AJUBA: variants seen among roughly 807,000 people sequenced by gnomAD.
AJUBA encodes LIM domain-containing protein ajuba.
In AJUBA, 20 loss-of-function variants were observed where a neutral mutation model predicts 53.3. The observed-to-expected ratio is 0.38, with a 90% CI of 0.26 to 0.55. AJUBA has a LOEUF of 0.55. Ranked by LOEUF, AJUBA falls within the 20% of genes least tolerant of loss-of-function variation. The probability of loss-of-function intolerance (pLI) is 0.80; values close to 1 mark genes in which losing one functional copy is unlikely to be tolerated. For synonymous variants in AJUBA, 296 were observed against 306.2 expected (o/e 0.97, Z 0.35); for missense variants, 580 against 730.5 (o/e 0.79, Z 2.38).
chr14:22,977,265 C>A (rs767092083), intron 2 of AJUBA: 1 of 954,116 alleles, frequency 1.0e-6, no homozygotes. Context: ...CAAAGCAGGT[C>A]CCCTCTCCTG....
Position 22,982,230 on chromosome 14 carries a change from C to G in AJUBA, c.37G>C (p.Glu13Gln). The stretch of plus-strand genomic sequence containing the variant: ...TCACCCTTTCTGCGGCCGAACTTCT[C>G]CAGCAGGCGACTGGCTTTCTCTCCT... ...RLGEKASRLL[E>Q]KFGRRKGESS... Residue 13 changes from glutamate (E) to glutamine (Q), a missense_variant, in exon 1 of 8, where the codon GAG (glutamate) becomes CAG (glutamine). Around this residue, in one of 2 missense-constraint regions of AJUBA, gnomAD observed 430 missense variants for 471.5 expected, o/e 0.91. Coordinates refer to ENST00000262713, the MANE Select transcript of AJUBA (RefSeq NM_032876.6). 5 of 1,613,996 alleles carry G rather than the reference C, an allele frequency of 3.1e-6. No individual in the cohort carries two copies. The highest frequency in any genetic ancestry group is 4.2e-6 in the Non-Finnish European group (5 of 1,179,922).
chr14:22,976,519 CTAAAG>C lies in AJUBA; in HGVS notation c.1177-6_1177-2del. 6.2e-7 allele frequency: 1 copy of C among 1,614,132 alleles called. No homozygotes were observed. The highest frequency in any genetic ancestry group is 8.5e-7 in the Non-Finnish European group (1 of 1,180,022). On this transcript the variant is annotated splice_acceptor_variant and splice_polypyrimidine_tract_variant and intron_variant, in intron 3 of 7. Coordinates refer to ENST00000262713, the MANE Select transcript of AJUBA (RefSeq NM_032876.6). LOFTEE classifies it high-confidence loss of function. ...CAGCTGCCTCCTGAAACCCTGAAAA[CTAAAG>C]TAAAAGACAAGACGAACGGAGGCTG...
Position 22,975,056 on chromosome 14 carries a change from T to C in AJUBA, c.1288A>G (p.Ile430Val), listed in dbSNP as rs2045022001. 1.2e-6 allele frequency: 2 copies of C among 1,614,154 alleles called. No individual in the cohort carries two copies. Among genetic ancestry groups the C allele is most frequent in the African/African-American group, 1.3e-5 (1 of 75,060 alleles). The change falls in exon 5 of 8, where the codon ATT (isoleucine) becomes GTT (valine). Residue 430 changes from isoleucine to valine, a missense_variant. Physicochemically the swap from Ile to Val is conservative, Grantham distance 29. Transcript: ENST00000262713. ...CCATCCAGGCACTTGTTGCAAACAATGCATCGGAAACAGCCTGGATGATAG... is the reference window on the plus strand; with the variant it reads ...CCATCCAGGCACTTGTTGCAAACAACGCATCGGAAACAGCCTGGATGATAG... ...KSYHPGCFRC[I>V]VCNKCLDGIP...
chr14:22,975,647 T>C (rs2045027652), intron 4 of AJUBA: 1 of 152,096 alleles, frequency 6.6e-6, no homozygotes, highest in Non-Finnish European at 1.5e-5. Context: ...GATCACAAGG[T>C]CAGGAGATCG....
chr14:22,978,012 G>T (rs1014805707), intron 2 of AJUBA, among the ~76,000 whole-genome samples: 1 of 149,108 alleles, frequency 6.7e-6, no homozygotes, highest in African/African-American at 2.5e-5. Context: ...CAGGCAACTT[G>T]GCTGCCCAAG....
At chr14:22,980,932 T>C (rs1238223458) in intron 1 of AJUBA, among the ~76,000 whole-genome samples, 1 of 151,816 alleles carries the variant, frequency 6.6e-6, no homozygotes, top group Non-Finnish European at 1.5e-5. Flanking sequence ...GGGGAGCAAG[T>C]TGGGGGGGAT....
rs771530243 is a variant in AJUBA, at chr14:22,981,663, A to G, written c.604T>C (p.Ser202Pro). Residue 202 changes from serine (S) to proline (P), a missense_variant, in exon 1 of 8, where the codon TCC becomes CCC. This residue lies in a region of AJUBA where 430 missense variants were observed against 471.5 expected (regional missense o/e 0.91). Transcript: ENST00000262713. ...GCGGCGTGGAGCTCCGGGTAGGCGG[A>G]CGGGACCCCTCCGGGAGAATAGCCT... The part of the protein sequence containing the change: ...PAGYSPGGVP[S>P]AYPELHAALD... The G allele has an allele frequency of 2.2e-5, 34 of 1,513,034 alleles. No homozygotes were observed. In the East Asian group the frequency reaches 7.6e-4, roughly 34 times the overall value. 93.7% of individuals were successfully genotyped at this position (1,513,034 alleles called of 1,614,324 possible). A position where few individuals can be genotyped will look rare whatever the true frequency, so the allele number is the denominator to read the frequency against.
Position 22,981,389 on chromosome 14 carries a change from C to T in AJUBA, c.878G>A (p.Arg293Gln), listed in dbSNP as rs773411463. 1 of 1,612,908 alleles carries T rather than the reference C, an allele frequency of 6.2e-7. No homozygotes were observed. The highest frequency in any genetic ancestry group is 8.5e-7 in the Non-Finnish European group (1 of 1,179,872). ...LLRLTVGTGG[R>Q]EAGARGEPSG... Reference sequence around the variant, plus strand: ...GGGTTCTCCGCGGGCTCCGGCTTCTCGCCCACCGGTGCCCACCGTCAGGCG... The same window carrying T: ...GGGTTCTCCGCGGGCTCCGGCTTCTTGCCCACCGGTGCCCACCGTCAGGCG... Residue 293 changes from arginine (R) to glutamine (Q), a missense_variant, in exon 1 of 8, where the codon CGA becomes CAA. Physicochemically the swap from Arg to Gln is conservative, Grantham distance 43. Coordinates refer to ENST00000262713, the MANE Select transcript of AJUBA (RefSeq NM_032876.6).
At position 22,982,535 on chromosome 14, in the gene AJUBA, C is replaced by G. The variant is rs1246604497; in HGVS notation, c.-269G>C. ...CAGTCCGCAGGTCTATCTGTTCACG[C>G]GTCGACTCGCCCGACTGCCCCACTC... is the stretch of plus-strand genomic sequence containing the variant. On this transcript the variant is annotated 5_prime_UTR_variant, in exon 1 of 8. Coordinates refer to ENST00000262713, the MANE Select transcript of AJUBA (RefSeq NM_032876.6). 68 of 1,324,948 alleles carry G rather than the reference C, an allele frequency of 5.1e-5. No homozygotes were observed. The highest frequency in any genetic ancestry group is 6.4e-5 in the Non-Finnish European group (67 of 1,038,800). 82.1% of individuals were successfully genotyped at this position (1,324,948 alleles called of 1,614,324 possible).
At position 22,982,022 on chromosome 14, in the gene AJUBA, G is replaced by C. The variant is rs2045105130; in HGVS notation, c.245C>G (p.Ala82Gly). Residue 82 changes from alanine (A) to glycine (G), a missense_variant, in exon 1 of 8, where the codon GCG becomes GGG. Coordinates refer to ENST00000262713, the MANE Select transcript of AJUBA (RefSeq NM_032876.6). ...AERNQRGSFEAPRYEGSFPAG... is the reference protein window; with the variant it reads ...AERNQRGSFEGPRYEGSFPAG... ...GGGAAAAGAGCCTTCGTAGCGCGGCGCCTCAAAGGAGCCGCGCTGATTTCG... is the reference window on the plus strand; with the variant it reads ...GGGAAAAGAGCCTTCGTAGCGCGGCCCCTCAAAGGAGCCGCGCTGATTTCG... 1 of 1,586,958 alleles carries C rather than the reference G, an allele frequency of 6.3e-7. No individual in the cohort carries two copies. Among genetic ancestry groups the C allele is most frequent in the African/African-American group, 1.4e-5 (1 of 72,958 alleles).
rs773363029 is a variant in AJUBA at position 22,976,526 on chromosome 14, A to G, written c.1177-8T>C. ...CTCCTGAAACCCTGAAAACTAAAGTAAAAGACAAGACGAACGGAGGCTGTT... is the reference window on the plus strand; with the variant it reads ...CTCCTGAAACCCTGAAAACTAAAGTGAAAGACAAGACGAACGGAGGCTGTT... On this transcript the variant is annotated splice_polypyrimidine_tract_variant and splice_region_variant and intron_variant, in intron 3 of 7. Coordinates refer to ENST00000262713, the MANE Select transcript of AJUBA (RefSeq NM_032876.6). The G allele has an allele frequency of 2.5e-6, 4 of 1,614,150 alleles. No homozygotes were observed. The South Asian group carries it at 4.4e-5, about 18-fold the overall frequency.
rs1475414453 is a variant in AJUBA at position 22,971,494 on chromosome 14, T to C, written c.*1949A>G. 1.3e-5 allele frequency: 2 copies of C among 152,246 alleles called. No individual in the cohort carries two copies. The highest frequency in any genetic ancestry group is 3.8e-4 in the East Asian group (2 of 5,206). 9.4% of individuals were successfully genotyped at this position (152,246 alleles called of 1,614,324 possible). ...AAAATGAAGACTAAAGATCAAAGAT[T>C]ACTAAATTAATTTGCCTAAAACCAA... On this transcript the variant is annotated 3_prime_UTR_variant, in exon 8 of 8. Coordinates refer to ENST00000262713, the MANE Select transcript of AJUBA (RefSeq NM_032876.6).
Position 22,973,276 on chromosome 14 carries a change from A to G in AJUBA, c.*167T>C. 1 of 1,057,706 alleles carries G rather than the reference A, an allele frequency of 9.5e-7. No homozygotes were observed. The highest frequency in any genetic ancestry group is 1.3e-6 in the Non-Finnish European group (1 of 750,022). 65.5% of individuals were successfully genotyped at this position (1,057,706 alleles called of 1,614,324 possible). A position where few individuals can be genotyped will look rare whatever the true frequency, so the allele number is the denominator to read the frequency against. ...GTAAATATAAGGTTTCTCTTCCACAATCCATTTGGAATATCATGATCTTTG... is the reference window on the plus strand; with the variant it reads ...GTAAATATAAGGTTTCTCTTCCACAGTCCATTTGGAATATCATGATCTTTG... On this transcript the variant is annotated 3_prime_UTR_variant, in exon 8 of 8. Coordinates refer to ENST00000262713, the MANE Select transcript of AJUBA (RefSeq NM_032876.6).
Position 22,981,721 on chromosome 14 carries a change from G to C in AJUBA, c.546C>G (p.Cys182Trp). The C allele has an allele frequency of 6.5e-7, 1 of 1,529,956 alleles. No homozygotes were observed. Among genetic ancestry groups the C allele is most frequent in the Non-Finnish European group, 8.7e-7 (1 of 1,143,100 alleles). 94.8% of individuals were successfully genotyped at this position (1,529,956 alleles called of 1,614,324 possible). A position where few individuals can be genotyped will look rare whatever the true frequency, so the allele number is the denominator to read the frequency against. The change falls in exon 1 of 8, where the codon TGC becomes TGG. Residue 182 changes from cysteine to tryptophan, a missense_variant. Around this residue, in one of 2 missense-constraint regions of AJUBA, gnomAD observed 430 missense variants for 471.5 expected, o/e 0.91. Transcript: ENST00000262713. ...RHGSPLPAGP[C>W]LFGPPLAGAP... ...CTCCGGCCAGGGGTGGGCCAAACAG[G>C]CACGGCCCCGCTGGCAAGGGGCTCC...
chr14:22,980,820 C>T (rs2045080872), intron 1 of AJUBA: 1 of 288,050 alleles, frequency 3.5e-6, no homozygotes, highest in African/African-American at 2.3e-5. Flanking sequence ...GCCAGCCTGC[C>T]CCGCCCCCCC....
intron 4 of AJUBA, 122 bp from the exon 5 acceptor site, chr14:22,975,226 C>T (rs2045023978): frequency 2.2e-6 from 3 of 1,356,092 alleles, no homozygotes; most frequent in African/African-American, 1.4e-5. Flanking sequence ...CAGAACAATG[C>T]TATGTAATGT....
intron 2 of AJUBA, among the ~76,000 whole-genome samples, chr14:22,977,988 T>C (rs1265550083): frequency 6.9e-6 from 1 of 143,944 alleles, no homozygotes; most frequent in Non-Finnish European, 1.5e-5. Flanking sequence ...CATTCCAGTC[T>C]TTCACTGTCG....
Position 22,976,731 on chromosome 14 carries a change from G to A in AJUBA, c.1109-19C>T, listed in dbSNP as rs1252418243. 1.2e-6 allele frequency: 2 copies of A among 1,612,630 alleles called. No homozygotes were observed. Among genetic ancestry groups the A allele is most frequent in the Non-Finnish European group, 8.5e-7 (1 of 1,179,532 alleles). On this transcript the variant is annotated intron_variant, in intron 2 of 7. Transcript: ENST00000262713. ...GTTCGCCCTAGAAACAATAGAGAAGGGGCTGGAACCTATCCCACAGCCCAG... is the reference window on the plus strand; with the variant it reads ...GTTCGCCCTAGAAACAATAGAGAAGAGGCTGGAACCTATCCCACAGCCCAG...
rs1030544582 is a variant in AJUBA at position 22,972,359 on chromosome 14, C to T, written c.*1084G>A. Reference sequence around the variant, plus strand: ...AAAGAGTGAGAGAGAGACAGAGAGACAAGAGAGAGAGTGTGTGTGTGCATG... The same window carrying T: ...AAAGAGTGAGAGAGAGACAGAGAGATAAGAGAGAGAGTGTGTGTGTGCATG... On this transcript the variant is annotated 3_prime_UTR_variant, in exon 8 of 8. Transcript: ENST00000262713. The T allele has an allele frequency of 1.3e-5, 2 of 152,374 alleles. No individual in the cohort carries two copies. Among genetic ancestry groups the T allele is most frequent in the African/African-American group, 4.8e-5 (2 of 41,320 alleles). 9.4% of individuals were successfully genotyped at this position (152,374 alleles called of 1,614,324 possible).
Sources: allele counts gnomAD v4.1 joint callset (sites outside exome capture counted in the v4.1 genomes callset), GRCh38; gene constraint gnomAD v4.1.1; regional missense constraint gnomAD v4.1.1; transcripts MANE v1.5; gene names NCBI Gene and HGNC (gene_info 2026-07-23, HGNC 2026-07-21).